Variants in AGAP1 observed in about 807,000 individuals in gnomAD.
The protein encoded by AGAP1 is ArfGAP with GTPase domain, ankyrin repeat and PH domain 1, also known as arf-GAP with GTPase, ANK repeat and PH domain-containing protein 1.
In AGAP1, 29 loss-of-function variants were observed where a neutral mutation model predicts 105.3. That is an observed-to-expected ratio of 0.28 (90% confidence interval 0.21 to 0.38). The LOEUF is 0.38. Among genes scored for constraint, AGAP1 ranks in the 10% least tolerant of loss-of-function variants. The probability of loss-of-function intolerance (pLI) is 1.00; values close to 1 mark genes in which losing one functional copy is unlikely to be tolerated. For missense variants in AGAP1, 998 were observed against 1,165.1 expected (o/e 0.86, Z 2.09); for synonymous variants, 509 against 485.9 (o/e 1.05, Z -0.63).
At position 235,787,083 on chromosome 2, in the gene AGAP1, T is replaced by TA. The variant is rs1956687796; in HGVS notation, c.674-10676_674-10675insA. Among the ~76,000 whole-genome samples the TA allele has an allele frequency of 2.6e-5, 4 of 152,352 alleles. No homozygotes were observed. The South Asian group carries it at 8.3e-4, about 32-fold the overall frequency. On this transcript the variant is annotated intron_variant, in intron 6 of 17. Coordinates refer to ENST00000304032, the MANE Select transcript of AGAP1 (RefSeq NM_001037131.3). This position sits in a 1 kb window ranked among gnomAD's most constrained non-coding sequence, Gnocchi z 4.4. ...GGCAGTGCTCAGAGTCGAGCTGGCC[T>TA]GGGGCCGTGGCCCCACAGGCTTGTG...
rs1299699202 is a variant in AGAP1 at position 235,973,694 on chromosome 2, C to A, written c.1645+5071C>A. Among the ~76,000 whole-genome samples, 1 of 152,180 alleles carries A rather than the reference C, an allele frequency of 6.6e-6. No individual in the cohort carries two copies. The highest frequency in any genetic ancestry group is 2.4e-5 in the African/African-American group (1 of 41,454). On this transcript the variant is annotated intron_variant, in intron 13 of 17. Transcript: ENST00000304032. This position sits in a 1 kb window ranked among gnomAD's most constrained non-coding sequence, Gnocchi z 4.7. ...ACCATGGGACCTGATGGGTGGAAGCCTCAAGGAGGTGGATTTTGATTCTGA... is the reference window on the plus strand; with the variant it reads ...ACCATGGGACCTGATGGGTGGAAGCATCAAGGAGGTGGATTTTGATTCTGA...
chr2:235,537,517 A>G (rs777466067), intron 1 of AGAP1, among the ~76,000 whole-genome samples: 8 of 152,206 alleles, frequency 5.3e-5, no homozygotes, highest in Non-Finnish European at 4.4e-5. Context: ...GGACAGCACC[A>G]TGGTAACATG....
rs1318098594 is a variant in AGAP1, at chr2:235,793,424, G to A, written c.674-4335G>A. ...ATTGATGACAAACTGAGGGTGCAGG[G>A]CAAAAGAACACATGATTCGTGCTGT... On this transcript the variant is annotated intron_variant, in intron 6 of 17. Transcript: ENST00000304032. The surrounding 1 kb of genome is among the most constrained non-coding windows in gnomAD (Gnocchi z 5.3). 2.6e-5 allele frequency among the ~76,000 whole-genome samples: 4 copies of A among 152,154 alleles called. No homozygotes were observed. Among genetic ancestry groups the A allele is most frequent in the African/African-American group, 9.7e-5 (4 of 41,430 alleles).
At chr2:235,654,314 T>C (rs935897288) in intron 1 of AGAP1, among the ~76,000 whole-genome samples, 2 of 152,314 alleles carry the variant, frequency 1.3e-5, no homozygotes, top group South Asian at 2.1e-4. Flanking sequence ...GGAACACCAA[T>C]TGATTCCTCT....
chr2:236,069,186 AAATT>A (rs1371792708), intron 16 of AGAP1, among the ~76,000 whole-genome samples: 1 of 152,156 alleles, frequency 6.6e-6, no homozygotes, highest in African/African-American at 2.4e-5. Context: ...GCAATTAAAT[AAATT>A]ATTACTTTAG....
chr2:235,641,581 G>A (rs767785448), intron 1 of AGAP1, among the ~76,000 whole-genome samples: 12 of 152,156 alleles, frequency 7.9e-5, no homozygotes, highest in East Asian at 3.9e-4. Context: ...CCGCCCACGC[G>A]GCTGTGCCTC....
At chr2:236,103,175 A>G (rs1271225783) in intron 16 of AGAP1, among the ~76,000 whole-genome samples, 1 of 152,056 alleles carries the variant, frequency 6.6e-6, no homozygotes, top group Non-Finnish European at 1.5e-5. Context: ...CACCAAAACC[A>G]GCACCTCTGT....
chr2:235,898,680 C>G (rs1017768992), intron 10 of AGAP1, among the ~76,000 whole-genome samples: 2 of 152,242 alleles, frequency 1.3e-5, no homozygotes, highest in Non-Finnish European at 2.9e-5. Flanking sequence ...AGGGCTTTGG[C>G]GCTCTGTTAA....
In AGAP1 at chr2:236,050,015, G is replaced by A. The variant is rs2057850168; in HGVS notation, c.2114+734G>A. ...TTGTCTAAAGCAAGTGGCTTCCAGGGTTGCTCATTTTCACCCACAATAGGA... is the reference window on the plus strand; with the variant it reads ...TTGTCTAAAGCAAGTGGCTTCCAGGATTGCTCATTTTCACCCACAATAGGA... On this transcript the variant is annotated intron_variant, in intron 16 of 17. Transcript: ENST00000304032. This position sits in a 1 kb window ranked among gnomAD's most constrained non-coding sequence, Gnocchi z 4.0. Among the ~76,000 whole-genome samples the A allele has an allele frequency of 6.6e-6, 1 of 152,156 alleles. No homozygotes were observed. Among genetic ancestry groups the A allele is most frequent in the Non-Finnish European group, 1.5e-5 (1 of 68,026 alleles).
intron 1 of AGAP1, among the ~76,000 whole-genome samples, chr2:235,598,883 C>T (rs1945633529): frequency 6.6e-6 from 1 of 152,098 alleles, no homozygotes; most frequent in African/African-American, 2.4e-5. Context: ...ATTTAAAAAG[C>T]ACATGAGAAA....
At chr2:235,515,746 A>G (rs1324867219) in intron 1 of AGAP1, among the ~76,000 whole-genome samples, 1 of 152,234 alleles carries the variant, frequency 6.6e-6, no homozygotes, top group African/African-American at 2.4e-5. Flanking sequence ...ATGTGCAGAT[A>G]TATCATGTGC....
chr2:236,108,705 G>A (rs1035658227), intron 16 of AGAP1, among the ~76,000 whole-genome samples: 11 of 152,094 alleles, frequency 7.2e-5, no homozygotes, highest in Non-Finnish European at 1.0e-4. Flanking sequence ...TTTTGTAGAC[G>A]TGCTCAGAAA....
At chr2:235,738,021 C>A (rs1257624100) in intron 3 of AGAP1, among the ~76,000 whole-genome samples, 1 of 151,966 alleles carries the variant, frequency 6.6e-6, no homozygotes, top group Non-Finnish European at 1.5e-5. Context: ...CCGGAGGGCA[C>A]AGAGGAGCAC....
intron 1 of AGAP1, among the ~76,000 whole-genome samples, chr2:235,698,701 G>T (rs926370777): frequency 6.6e-6 from 1 of 152,190 alleles, no homozygotes; most frequent in Non-Finnish European, 1.5e-5. Context: ...GCGGGAGGCC[G>T]TGTCTCCCTA....
In AGAP1 at chr2:236,002,713, C is replaced by A. The variant is rs902641506; in HGVS notation, c.1646-33848C>A. Among the ~76,000 whole-genome samples the A allele has an allele frequency of 6.6e-6, 1 of 152,066 alleles. No individual in the cohort carries two copies. Among genetic ancestry groups the A allele is most frequent in the African/African-American group, 2.4e-5 (1 of 41,400 alleles). On this transcript the variant is annotated intron_variant, in intron 13 of 17. Transcript: ENST00000304032. The surrounding 1 kb of genome is among the most constrained non-coding windows in gnomAD (Gnocchi z 4.3). ...CAGAGATGGGCAGGACTGTGAGAGT[C>A]CCCCTGAAAAGCGAGATTTCATAGA... is the stretch of plus-strand genomic sequence containing the variant.
Position 235,669,634 on chromosome 2 carries a change from G to GCCCGCCGCCCGCCGCCCGCCA in AGAP1, c.164-39539_164-39538insGCCCGCCGCCCGCCACCCGCC, listed in dbSNP as rs1553601618. 7 of 148,094 alleles carry GCCCGCCGCCCGCCGCCCGCCA rather than the reference G, an allele frequency of 4.7e-5. No individual in the cohort carries two copies. In the East Asian group the frequency reaches 1.0e-3, roughly 21 times the overall value. 9.2% of individuals were successfully genotyped at this position (148,094 alleles called of 1,614,324 possible). A position where few individuals can be genotyped will look rare whatever the true frequency, so the allele number is the denominator to read the frequency against. On this transcript the variant is annotated intron_variant, in intron 1 of 17. Transcript: ENST00000304032. ...TTTCCATTTTAAACCGCCGCCCGCC[G>GCCCGCCGCCCGCCGCCCGCCA]CCCGCCACCCGCCACCCTTCGGCCG...
chr2:235,671,061 G>T, intron 1 of AGAP1: 1 of 1,267,740 alleles, frequency 7.9e-7, no homozygotes, highest in Non-Finnish European at 9.9e-7. Context: ...CGCAGAGGTG[G>T]GCAGCGTGGC....
In AGAP1 at chr2:235,988,613, T is replaced by C. The variant is rs1235098140; in HGVS notation, c.1645+19990T>C. On this transcript the variant is annotated intron_variant, in intron 13 of 17. Transcript: ENST00000304032. The surrounding 1 kb of genome is among the most constrained non-coding windows in gnomAD (Gnocchi z 4.7). ...ATCTGCAGAGGTCAGCTTTTTCCAT[T>C]GTCTCTGAAACACTTGCATTTTTCC... 3.9e-5 allele frequency among the ~76,000 whole-genome samples: 6 copies of C among 152,158 alleles called. No homozygotes were observed. In the East Asian group the frequency reaches 1.2e-3, roughly 29 times the overall value.
rs189230873 is a variant in AGAP1 at position 235,883,059 on chromosome 2, C to T, written c.1051-286C>T. ...CTGGTCTCGAACTCTTGGGCTCAAA[C>T]GATCCTTACACCGTGCCCAGCCTGG... On this transcript the variant is annotated intron_variant, in intron 9 of 17. Transcript: ENST00000304032. This position sits in a 1 kb window ranked among gnomAD's most constrained non-coding sequence, Gnocchi z 4.5. 1.4e-3 allele frequency among the ~76,000 whole-genome samples: 217 copies of T among 151,838 alleles called. No individual in the cohort carries two copies. Among genetic ancestry groups the T allele is most frequent in the African/African-American group, 5.2e-3 (214 of 41,382 alleles).
Sources: gnomAD v4.1 joint callset for allele counts (sites outside exome capture counted in the v4.1 genomes callset) on GRCh38, gnomAD v4.1.1 for gene constraint, Gnocchi (gnomAD v3.1) non-coding constraint, MANE v1.5 for transcripts, NCBI Gene and HGNC (gene_info 2026-07-23, HGNC 2026-07-21) for gene names.